NPC2: variants seen among roughly 807,000 people sequenced by gnomAD.
NPC2 encodes the protein NPC intracellular cholesterol transporter 2.
NPC2 carries 14 observed loss-of-function variants against 17.0 expected under a neutral mutation model. The observed-to-expected ratio is 0.82, with a 90% confidence interval of 0.54 to 1.29. The LOEUF is 1.29. Ranked by LOEUF, NPC2 falls within the 50% of genes most tolerant of loss-of-function variation. The pLI, the probability that NPC2 is intolerant of heterozygous loss-of-function variation, is 0.00. For missense variants in NPC2, 167 were observed against 183.4 expected, an observed-to-expected ratio of 0.91 and a Z score of 0.52; for synonymous variants, 75 against 69.3, an observed-to-expected ratio of 1.08 and a Z score of -0.41.
Position 74,480,035 on chromosome 14 carries a change from A to C in NPC2, c.*239T>G. 4 of 1,479,016 alleles carry C rather than the reference A, an allele frequency of 2.7e-6. No homozygotes were observed. The highest frequency in any genetic ancestry group is 3.6e-6 in the Non-Finnish European group (4 of 1,120,434). 91.6% of individuals were successfully genotyped at this position (1,479,016 alleles called of 1,614,324 possible). On this transcript the variant is annotated 3_prime_UTR_variant, in exon 5 of 5. Transcript: ENST00000555619. ...GTTAATGTTGTTAAAAAAAAAATTAAACATCTGCTAACCAAGTGCTGCATT... is the reference window on the plus strand; with the variant it reads ...GTTAATGTTGTTAAAAAAAAAATTACACATCTGCTAACCAAGTGCTGCATT...
At chr14:74,492,561 A>G (rs1045423130) in intron 1 of NPC2, among the ~76,000 whole-genome samples, 1 of 152,200 alleles carries the variant, frequency 6.6e-6, no homozygotes, top group Non-Finnish European at 1.5e-5. Context: ...ACTCGACTCA[A>G]TGAAGGCACT....
chr14:74,483,679 G>GA lies in NPC2; in HGVS notation c.363+735dup, dbSNP rs945267368. Among the ~76,000 whole-genome samples the GA allele has an allele frequency of 3.9e-5, 6 of 152,018 alleles. No homozygotes were observed. The South Asian group carries it at 8.3e-4, about 21-fold the overall frequency. On this transcript the variant is annotated intron_variant, in intron 3 of 4. Coordinates refer to ENST00000555619, the MANE Select transcript of NPC2 (RefSeq NM_006432.5). Reference sequence around the variant, plus strand: ...TATTGGTTTGTATAAGTTCCCTGGAGAAAAAAAACTGCTCTGTGTATATCT... The same window carrying GA: ...TATTGGTTTGTATAAGTTCCCTGGAGAAAAAAAAACTGCTCTGTGTATATCT...
chr14:74,480,651 C>G, intron 4 of NPC2, 51 bp downstream of exon 4: 3 of 1,411,176 alleles, frequency 2.1e-6, no homozygotes, highest in Non-Finnish European at 3.0e-6. Context: ...TCTGATTTCT[C>G]CTCCACTTTC....
Position 74,493,121 on chromosome 14 carries a change from G to C in NPC2, c.82+72C>G. The C allele has an allele frequency of 2.6e-6, 4 of 1,534,796 alleles. No homozygotes were observed. Among genetic ancestry groups the C allele is most frequent in the Non-Finnish European group, 3.5e-6 (4 of 1,132,980 alleles). On this transcript the variant is annotated intron_variant, in intron 1 of 4. Transcript: ENST00000555619. This position sits in a 1 kb window ranked among gnomAD's most constrained non-coding sequence, Gnocchi z 4.1. ...AGGGATCCGCCCAGCCCAGCCCCAG[G>C]GGTCTCAGCGCGGGGGTCCGGCGGG...
chr14:74,484,755 C>CAAAAAAAAAAAAAAAA (rs71115996), intron 2 of NPC2, among the ~76,000 whole-genome samples, 168 bp from the exon 3 acceptor site: 9 of 85,202 alleles, frequency 1.1e-4, no homozygotes, highest in Non-Finnish European at 1.5e-4. Context: ...CACAATTATG[C>CAAAAAAAAAAAAAAAA]AAAAAAAAAA....
chr14:74,487,263 G>GTTTTTTTTTTT lies in NPC2; in HGVS notation c.83-828_83-827insAAAAAAAAAAA, dbSNP rs1208707592. 1.6e-4 allele frequency among the ~76,000 whole-genome samples: 21 copies of GTTTTTTTTTTT among 134,980 alleles called. 3 individuals are homozygous for GTTTTTTTTTTT. The highest frequency in any genetic ancestry group is 2.6e-4 in the African/African-American group (9 of 34,890). The allele number at this position is 134,980 out of a possible 152,430, so 88.6% of individuals were successfully genotyped here. A position where few individuals can be genotyped will look rare whatever the true frequency, so the allele number is the denominator to read the frequency against. ...TGCACCCTCCCTGTTTTGTTTTTGT[G>GTTTTTTTTTTT]GTTTTTTTTTGTTTTTTTTTTTTGA... On this transcript the variant is annotated intron_variant, in intron 1 of 4. Coordinates refer to ENST00000555619, the MANE Select transcript of NPC2 (RefSeq NM_006432.5).
chr14:74,480,657 C>G, intron 4 of NPC2, 45 bp downstream of exon 4: 1 of 1,475,602 alleles, frequency 6.8e-7, no homozygotes, highest in Non-Finnish European at 9.5e-7. Flanking sequence ...TTCTCCTCCA[C>G]TTTCTTCCCT....
At chr14:74,484,716 A>G in intron 2 of NPC2, 129 bp from the exon 3 acceptor site, 1 of 689,110 alleles carries the variant, frequency 1.5e-6, no homozygotes, top group African/African-American at 1.8e-5. Context: ...GGTGCTTGGT[A>G]CTAGCACAGT....
At chr14:74,492,383 G>C (rs2086785406) in intron 1 of NPC2, among the ~76,000 whole-genome samples, 1 of 152,178 alleles carries the variant, frequency 6.6e-6, no homozygotes, top group Non-Finnish European at 1.5e-5. Context: ...CTTTAGGTAG[G>C]CTACCCAACA....
intron 2 of NPC2, 45 bp downstream of exon 2, chr14:74,486,284 G>T (rs373096990): frequency 1.4e-6 from 2 of 1,446,542 alleles, no homozygotes; most frequent in East Asian, 2.4e-5. Flanking sequence ...TGATATTTAG[G>T]TTATGCTGTA....
chr14:74,492,215 A>G (rs1432800040), intron 1 of NPC2, among the ~76,000 whole-genome samples: 2 of 152,206 alleles, frequency 1.3e-5, no homozygotes, highest in Non-Finnish European at 2.9e-5. Flanking sequence ...TGATCTGAGT[A>G]ACAATAAAAC....
In NPC2 at chr14:74,484,475, G is replaced by C; in HGVS notation, c.303C>G (p.Ile101Met). 1 of 1,614,032 alleles carries C rather than the reference G, an allele frequency of 6.2e-7. No homozygotes were observed. Among genetic ancestry groups the C allele is most frequent in the Non-Finnish European group, 8.5e-7 (1 of 1,179,986 alleles). ...DGCKSGINCP[I>M]QKDKTYSYLN... ...GGTAGCTATAGGTCTTGTCTTTTTG[G>C]ATAGGGCAGTTAATTCCACTCTTAC... Residue 101 changes from isoleucine to methionine, a missense_variant, in exon 3 of 5, where the codon ATC (isoleucine) becomes ATG (methionine). Coordinates refer to ENST00000555619, the MANE Select transcript of NPC2 (RefSeq NM_006432.5).
At chr14:74,484,028 GA>G (rs1453972524) in intron 3 of NPC2, among the ~76,000 whole-genome samples, 1 of 151,884 alleles carries the variant, frequency 6.6e-6, no homozygotes, top group Non-Finnish European at 1.5e-5. Flanking sequence ...TCTTTTATAG[GA>G]AAAAAACTGG....
At chr14:74,485,550 G>A (rs1432425223) in intron 2 of NPC2, among the ~76,000 whole-genome samples, 1 of 143,736 alleles carries the variant, frequency 7.0e-6, no homozygotes, top group Non-Finnish European at 1.5e-5. Context: ...CAATAGAGAG[G>A]CCAGGGTATA....
Position 74,491,380 on chromosome 14 carries a change from T to C in NPC2, c.82+1813A>G, listed in dbSNP as rs1022060983. Among the ~76,000 whole-genome samples the C allele has an allele frequency of 1.3e-4, 20 of 152,176 alleles. 3 individuals are homozygous for C. Among genetic ancestry groups the C allele is most frequent in the Admixed American group, 1.3e-3 (20 of 15,260 alleles). On this transcript the variant is annotated intron_variant, in intron 1 of 4. Coordinates refer to ENST00000555619, the MANE Select transcript of NPC2 (RefSeq NM_006432.5). ...GCCACTGTGCCTGGCCGGAATGAGT[T>C]ATTAAAATTAATAGTGTCTTCATCC...
intron 1 of NPC2, among the ~76,000 whole-genome samples, chr14:74,486,905 A>G (rs532820099): frequency 6.6e-6 from 1 of 152,194 alleles, no homozygotes; most frequent in East Asian, 1.9e-4. Context: ...TTTCTAGCAT[A>G]TAGATTAGCA....
At chr14:74,491,197 C>A (rs779042417) in intron 1 of NPC2, among the ~76,000 whole-genome samples, 2 of 152,074 alleles carry the variant, frequency 1.3e-5, no homozygotes, top group African/African-American at 4.8e-5. Context: ...CTCAGCCTCC[C>A]GAGTAGCTGG....
rs1282408844 is a variant in NPC2 at position 74,480,162 on chromosome 14, T to C, written c.*112A>G. ...TACAGAGCACCTCCTCTTCAACGAATCACTGGATACCATTGGAGAGCAAGT... is the reference window on the plus strand; with the variant it reads ...TACAGAGCACCTCCTCTTCAACGAACCACTGGATACCATTGGAGAGCAAGT... On this transcript the variant is annotated 3_prime_UTR_variant, in exon 5 of 5. Transcript: ENST00000555619. 2.5e-6 allele frequency: 4 copies of C among 1,609,684 alleles called. No individual in the cohort carries two copies. Among genetic ancestry groups the C allele is most frequent in the Middle Eastern group, 1.7e-4 (1 of 6,054 alleles).
rs1352634372 is a variant in NPC2, at chr14:74,480,055, T to C, written c.*219A>G. 9.2e-5 allele frequency: 139 copies of C among 1,510,342 alleles called. 2 individuals carry two copies. In the East Asian group the frequency reaches 3.4e-3, roughly 37 times the overall value. The allele number at this position is 1,510,342 out of a possible 1,614,324, so 93.6% of individuals were successfully genotyped here. A position where few individuals can be genotyped will look rare whatever the true frequency, so the allele number is the denominator to read the frequency against. On this transcript the variant is annotated 3_prime_UTR_variant, in exon 5 of 5. Transcript: ENST00000555619. ...AATTAAACATCTGCTAACCAAGTGCTGCATTTAATGAAACCACCTAAGACA... is the reference window on the plus strand; with the variant it reads ...AATTAAACATCTGCTAACCAAGTGCCGCATTTAATGAAACCACCTAAGACA...
Sources: allele counts gnomAD v4.1 joint callset (sites outside exome capture counted in the v4.1 genomes callset), GRCh38; gene constraint gnomAD v4.1.1; non-coding constraint Gnocchi (gnomAD v3.1); transcripts MANE v1.5; gene names NCBI Gene and HGNC (gene_info 2026-07-23, HGNC 2026-07-21).